Variants in MRTFA observed in about 807,000 individuals in gnomAD.
MRTFA encodes the protein myocardin related transcription factor A, also known as myocardin-related transcription factor A.
In MRTFA, 20 loss-of-function variants were observed where a neutral mutation model predicts 83.5. That is an observed-to-expected ratio of 0.24 (90% CI 0.17 to 0.35). MRTFA has a LOEUF of 0.35. Ranked by LOEUF, MRTFA falls within the 10% of genes least tolerant of loss-of-function variation. The probability of loss-of-function intolerance (pLI) is 1.00; values close to 1 mark genes in which losing one functional copy is unlikely to be tolerated. For synonymous variants in MRTFA, 659 were observed against 541.2 expected (o/e 1.22, Z -3.02); for missense variants, 1,200 against 1,224.7 (o/e 0.98, Z 0.30).
At chr22:40,535,543 G>C (rs146958724) in intron 3 of MRTFA, among the ~76,000 whole-genome samples, 1 of 151,690 alleles carries the variant, frequency 6.6e-6, no homozygotes, top group Admixed American at 6.6e-5. Context: ...AGTAAAGATG[G>C]GGTTTCACCA....
chr22:40,497,309 C>T (rs762276274), intron 3 of MRTFA, among the ~76,000 whole-genome samples: 11 of 151,786 alleles, frequency 7.2e-5, no homozygotes, highest in South Asian at 4.1e-4. Context: ...GGCAGAGGAA[C>T]GCACAAAAGC....
chr22:40,427,951 T>C (rs2052988872), intron 7 of MRTFA, among the ~76,000 whole-genome samples: 1 of 152,166 alleles, frequency 6.6e-6, no homozygotes, highest in African/African-American at 2.4e-5. Context: ...TGAGTTTCTC[T>C]AGCTACTGGG....
At chr22:40,519,524 C>T (rs2054824713) in intron 3 of MRTFA, 3 of 1,350,596 alleles carry the variant, frequency 2.2e-6, no homozygotes, top group Middle Eastern at 2.0e-4. Flanking sequence ...TAACTCCAAC[C>T]TCCTTGTGTC....
chr22:40,507,972 CAAAAAAAAAA>C (rs11315930), intron 3 of MRTFA, among the ~76,000 whole-genome samples: 5 of 37,512 alleles, frequency 1.3e-4, no homozygotes, highest in African/African-American at 2.2e-4. Flanking sequence ...GACTCCACCT[CAAAAAAAAAA>C]AAAAAAAAAA....
At chr22:40,504,665 G>A (rs1026454514) in intron 3 of MRTFA, among the ~76,000 whole-genome samples, 1 of 152,148 alleles carries the variant, frequency 6.6e-6, no homozygotes, top group Non-Finnish European at 1.5e-5. Context: ...AAAGAAAGAG[G>A]AAAGCAGTTA....
chr22:40,596,668 G>A (rs747205577), intron 1 of MRTFA, among the ~76,000 whole-genome samples: 5 of 152,172 alleles, frequency 3.3e-5, no homozygotes, highest in Non-Finnish European at 5.9e-5. Flanking sequence ...TTAGCTGGGC[G>A]TGGTGGCACG....
intron 3 of MRTFA, among the ~76,000 whole-genome samples, chr22:40,536,500 G>A (rs1359051014): frequency 7.9e-5 from 11 of 139,332 alleles, no homozygotes; most frequent in Admixed American, 1.5e-4. Context: ...AAAGTGCCGA[G>A]ATTGCAGCCT....
At chr22:40,474,109 T>C (rs979147239) in intron 3 of MRTFA, among the ~76,000 whole-genome samples, 8 of 152,202 alleles carry the variant, frequency 5.3e-5, no homozygotes, top group African/African-American at 1.9e-4. Context: ...TCATTGCTTT[T>C]AATGGCAAAA....
chr22:40,432,154 G>A (rs2053080815), intron 5 of MRTFA, among the ~76,000 whole-genome samples: 1 of 152,122 alleles, frequency 6.6e-6, no homozygotes, highest in African/African-American at 2.4e-5. Context: ...GCTGAAGCAG[G>A]AGAATCACTT....
At chr22:40,577,234 C>CT (rs1179798016) in intron 2 of MRTFA, among the ~76,000 whole-genome samples, 29 of 88,648 alleles carry the variant, frequency 3.3e-4, no homozygotes, top group African/African-American at 1.3e-3. Flanking sequence ...AGACCCTTGT[C>CT]TAAAAAAAAA....
At chr22:40,570,078 T>C (rs575824066) in intron 2 of MRTFA, among the ~76,000 whole-genome samples, 3 of 152,216 alleles carry the variant, frequency 2.0e-5, no homozygotes, top group Non-Finnish European at 2.9e-5. Flanking sequence ...ACTTAGATCA[T>C]TGTGACAGGC....
At chr22:40,466,125 G>A (rs148119239) in intron 3 of MRTFA, among the ~76,000 whole-genome samples, 10 of 152,224 alleles carry the variant, frequency 6.6e-5, no homozygotes, top group South Asian at 4.1e-4. Context: ...CAGATGGTTC[G>A]ACCAGAGTGA....
At chr22:40,582,875 T>C (rs1179994947) in intron 2 of MRTFA, among the ~76,000 whole-genome samples, 1 of 152,170 alleles carries the variant, frequency 6.6e-6, no homozygotes, top group Non-Finnish European at 1.5e-5. Context: ...ATTATGGTTC[T>C]TTCTGTATGA....
chr22:40,590,357 G>A (rs756412890), intron 2 of MRTFA, among the ~76,000 whole-genome samples: 6 of 151,894 alleles, frequency 4.0e-5, no homozygotes, highest in Non-Finnish European at 7.4e-5. Context: ...AAACCAACAT[G>A]GTAGGTAAGC....
chr22:40,567,406 T>C (rs369171760), intron 2 of MRTFA, among the ~76,000 whole-genome samples: 77 of 152,348 alleles, frequency 5.1e-4, no homozygotes, highest in African/African-American at 1.7e-3. Context: ...GACGGATATT[T>C]AGAAGTCCAC....
Position 40,410,656 on chromosome 22 carries a change from G to A in MRTFA, c.*734C>T, listed in dbSNP as rs1223287366. 2.1e-5 allele frequency: 5 copies of A among 233,406 alleles called. No individual in the cohort carries two copies. Among genetic ancestry groups the A allele is most frequent in the African/African-American group, 1.1e-4 (5 of 45,322 alleles). The allele number at this position is 233,406 out of a possible 1,614,324, so 14.5% of individuals were successfully genotyped here. ...TACATGTCAATCACACGTGATGGGT[G>A]GGCCTGGGTAGCTGCATGCCAGACT... On this transcript the variant is annotated 3_prime_UTR_variant, in exon 15 of 15. Coordinates refer to ENST00000355630, the MANE Select transcript of MRTFA (RefSeq NM_020831.6).
chr22:40,414,994 G>A (rs1366429595), intron 14 of MRTFA: 1 of 152,282 alleles, frequency 6.6e-6, no homozygotes, highest in East Asian at 1.9e-4. Context: ...CAGGCAAGGA[G>A]GTCGCTGCCT....
chr22:40,527,046 A>G, intron 3 of MRTFA, among the ~76,000 whole-genome samples: 1 of 151,960 alleles, frequency 6.6e-6, no homozygotes, highest in East Asian at 1.9e-4. Context: ...GGATTGCTTG[A>G]GCCAGGAAGG....
chr22:40,460,556 T>A (rs941549410), intron 4 of MRTFA, among the ~76,000 whole-genome samples: 2 of 152,214 alleles, frequency 1.3e-5, no homozygotes, highest in African/African-American at 4.8e-5. Context: ...GCCTCTTACT[T>A]CTTTAATCTT....
Sources: allele counts gnomAD v4.1 joint callset (sites outside exome capture counted in the v4.1 genomes callset), GRCh38; gene constraint gnomAD v4.1.1; transcripts MANE v1.5; gene names NCBI Gene and HGNC (gene_info 2026-07-23, HGNC 2026-07-21).